The following TASP1 variants were observed in gnomAD, a reference collection of about 807,000 sequenced individuals.
The protein encoded by TASP1 is threonine aspartase 1.
Under a neutral mutation model 56.6 loss-of-function variants are expected in TASP1, and 16 were observed. The observed-to-expected ratio is 0.28, with a 90% CI of 0.19 to 0.43. The LOEUF is 0.43. TASP1 is among the 20% of genes least tolerant of loss of function. The pLI, the probability that TASP1 is intolerant of heterozygous loss-of-function variation, is 1.00. For synonymous variants in TASP1, 179 were observed against 184.2 expected, an observed-to-expected ratio of 0.97 and a Z score of 0.23; for missense variants, 393 against 511.6, an observed-to-expected ratio of 0.77 and a Z score of 2.24.
chr20:13,363,082 G>A, the TASP1 span, among the ~76,000 whole-genome samples: 1,223 of 152,000 alleles, frequency 8.0e-3, 13 homozygotes, highest in African/African-American at 0.029. Context: ...TGAGTGATAG[G>A]AGTAGCTGGC....
intron 11 of TASP1, among the ~76,000 whole-genome samples, chr20:13,469,335 C>T (rs2044384445): frequency 6.6e-6 from 1 of 152,090 alleles, no homozygotes; most frequent in African/African-American, 2.4e-5. Context: ...ATGTATGAAA[C>T]TTCCAGGCTC....
chr20:13,374,474 G>A, the TASP1 span, among the ~76,000 whole-genome samples: 4 of 151,654 alleles, frequency 2.6e-5, no homozygotes, highest in East Asian at 3.9e-4. Context: ...TCAGCCTCCC[G>A]AGTAACTGGG....
chr20:13,226,863 A>G, the TASP1 span, among the ~76,000 whole-genome samples: 1 of 152,242 alleles, frequency 6.6e-6, no homozygotes, highest in South Asian at 2.1e-4. Flanking sequence ...TCTAGTGGAC[A>G]AGAAATAGTT....
At chr20:13,216,104 C>T in the TASP1 span, among the ~76,000 whole-genome samples, 1 of 152,174 alleles carries the variant, frequency 6.6e-6, no homozygotes, top group African/African-American at 2.4e-5. Context: ...GGAGCATTTA[C>T]TATGTGAATT....
intron 10 of TASP1, among the ~76,000 whole-genome samples, chr20:13,503,314 T>C (rs774163326): frequency 6.6e-6 from 1 of 152,046 alleles, no homozygotes; most frequent in African/African-American, 2.4e-5. Flanking sequence ...CAAATAGAAG[T>C]GTCTTGTGCA....
the TASP1 span, among the ~76,000 whole-genome samples, chr20:13,224,921 C>G: frequency 6.8e-6 from 1 of 147,230 alleles, no homozygotes; most frequent in African/African-American, 2.5e-5. Flanking sequence ...TCTCTGCTCA[C>G]TGCAACCTCC....
chr20:13,562,672 T>A (rs541400597), intron 7 of TASP1, among the ~76,000 whole-genome samples: 1 of 151,530 alleles, frequency 6.6e-6, no homozygotes, highest in South Asian at 2.1e-4. Flanking sequence ...AATACAGGAG[T>A]TCGAGACCAG....
chr20:13,373,456 G>GTTT, the TASP1 span, among the ~76,000 whole-genome samples: 9 of 143,614 alleles, frequency 6.3e-5, no homozygotes, highest in African/African-American at 1.5e-4. Flanking sequence ...AATTCTTTCA[G>GTTT]TTTTTTTTTT....
the TASP1 span, among the ~76,000 whole-genome samples, chr20:13,163,057 T>C: frequency 6.6e-6 from 1 of 151,958 alleles, no homozygotes; most frequent in Non-Finnish European, 1.5e-5. Flanking sequence ...CAAATAAAAG[T>C]TTAAAAGGTT....
intron 8 of TASP1, among the ~76,000 whole-genome samples, chr20:13,536,457 A>G (rs1368549403): frequency 2.0e-5 from 3 of 152,226 alleles, no homozygotes; most frequent in African/African-American, 4.8e-5. Context: ...TGGTATCTAT[A>G]TTTTAAAATA....
At chr20:13,449,692 G>C (rs2043544315) in intron 11 of TASP1, among the ~76,000 whole-genome samples, 1 of 152,076 alleles carries the variant, frequency 6.6e-6, no homozygotes, top group Non-Finnish European at 1.5e-5. Context: ...ATTGTACTGA[G>C]AGGTTATACA....
chr20:13,252,078 A>G, the TASP1 span, among the ~76,000 whole-genome samples: 1 of 152,158 alleles, frequency 6.6e-6, no homozygotes, highest in East Asian at 1.9e-4. Context: ...TGAAAAGAGC[A>G]TTTTCTTGGG....
chr20:13,373,723 A>G, the TASP1 span, among the ~76,000 whole-genome samples: 4 of 152,104 alleles, frequency 2.6e-5, no homozygotes, highest in Non-Finnish European at 5.9e-5. Context: ...GATATGTTAA[A>G]CAGAAAATAA....
intron 10 of TASP1, among the ~76,000 whole-genome samples, chr20:13,505,345 A>T (rs1450303360): frequency 6.6e-6 from 1 of 152,186 alleles, no homozygotes; most frequent in Non-Finnish European, 1.5e-5. Context: ...TCAACAATGG[A>T]TAGATTATGC....
chr20:13,593,091 CATG>C (rs1158886812), intron 4 of TASP1, among the ~76,000 whole-genome samples: 2 of 152,122 alleles, frequency 1.3e-5, no homozygotes, highest in Admixed American at 6.5e-5. Flanking sequence ...AGTATCCATT[CATG>C]ATGTTAAAAA....
At chr20:13,475,933 C>T (rs2044711699) in intron 11 of TASP1, among the ~76,000 whole-genome samples, 2 of 151,252 alleles carry the variant, frequency 1.3e-5, no homozygotes, top group Admixed American at 1.3e-4. Context: ...TATTGACTAA[C>T]ACGGTGAAAC....
chr20:13,568,027 T>A lies in TASP1; in HGVS notation c.568+1480A>T, dbSNP rs150293408. Among the ~76,000 whole-genome samples, 277 of 152,274 alleles carry A rather than the reference T, an allele frequency of 1.8e-3. 1 individual carries two copies. Among genetic ancestry groups the A allele is most frequent in the African/African-American group, 6.3e-3 (260 of 41,566 alleles). On this transcript the variant is annotated intron_variant, in intron 7 of 13. Coordinates refer to ENST00000337743, the MANE Select transcript of TASP1 (RefSeq NM_017714.3). ...CATTGGAAAGACTGTAAGACATAATTAGTGACAGGGATCATGGGAATTTAA... is the reference window on the plus strand; with the variant it reads ...CATTGGAAAGACTGTAAGACATAATAAGTGACAGGGATCATGGGAATTTAA...
At chr20:13,347,981 G>A in the TASP1 span, among the ~76,000 whole-genome samples, 1 of 152,148 alleles carries the variant, frequency 6.6e-6, no homozygotes, top group Non-Finnish European at 1.5e-5. Context: ...AATGGCATAA[G>A]GCAGTGGTTT....
chr20:13,513,697 T>C (rs1245206115), intron 10 of TASP1, among the ~76,000 whole-genome samples: 2 of 152,144 alleles, frequency 1.3e-5, no homozygotes, highest in Admixed American at 1.3e-4. Context: ...AAGACAAACC[T>C]GTGCAATTCC....
Sources: gnomAD v4.1 joint callset for allele counts (sites outside exome capture counted in the v4.1 genomes callset) on GRCh38, gnomAD v4.1.1 for gene constraint, MANE v1.5 for transcripts, NCBI Gene and HGNC (gene_info 2026-07-23, HGNC 2026-07-21) for gene names.